Variants in MAGI1 observed in about 807,000 individuals in gnomAD.
MAGI1 encodes the protein membrane associated guanylate kinase, WW and PDZ domain containing 1.
A neutral mutation model predicts 139.9 loss-of-function variants in MAGI1; 58 were observed. The observed-to-expected ratio is 0.41, with a 90% CI of 0.34 to 0.52. The LOEUF (loss-of-function observed/expected upper bound fraction) is 0.52. Ranked by LOEUF, MAGI1 falls within the 20% of genes least tolerant of loss-of-function variation. MAGI1 has a pLI of 0.12. For synonymous variants in MAGI1, 812 were observed against 737.9 expected (o/e 1.10, Z -1.63); for missense variants, 1,874 against 1,901.6 (o/e 0.99, Z 0.27).
chr3:65,688,008 T>C, intron 1 of MAGI1: 1 of 830,456 alleles, frequency 1.2e-6, no homozygotes, highest in Admixed American at 1.8e-5. Context: ...TTCGTTTTCC[T>C]GGCTTTGAGC....
At chr3:65,817,904 T>G (rs1267258825) in intron 1 of MAGI1, among the ~76,000 whole-genome samples, 1 of 152,188 alleles carries the variant, frequency 6.6e-6, no homozygotes, top group Non-Finnish European at 1.5e-5. Flanking sequence ...AAAAGAAATT[T>G]GGACTACGAT....
In MAGI1 at chr3:65,354,500, A is replaced by G. The variant is rs1329330722; in HGVS notation, c.*1878T>C. 4 of 152,686 alleles carry G rather than the reference A, an allele frequency of 2.6e-5. No individual in the cohort carries two copies. The highest frequency in any genetic ancestry group is 2.6e-4 in the Admixed American group (4 of 15,286). The allele number at this position is 152,686 out of a possible 1,614,324, so 9.5% of individuals were successfully genotyped here. ...TACTGCTTTTCATCAATACAGAAAG[A>G]GCATTAAGTCCATAGCACACTGCAA... On this transcript the variant is annotated 3_prime_UTR_variant, in exon 23 of 23. Coordinates refer to ENST00000402939, the MANE Select transcript of MAGI1 (RefSeq NM_001033057.2).
chr3:65,701,015 G>A (rs1165570940), intron 1 of MAGI1, among the ~76,000 whole-genome samples: 2 of 152,022 alleles, frequency 1.3e-5, no homozygotes, highest in African/African-American at 4.8e-5. Context: ...ACCATCAGGG[G>A]GCTCATTACC....
intron 1 of MAGI1, among the ~76,000 whole-genome samples, chr3:65,924,529 G>A (rs2062395782): frequency 6.6e-6 from 1 of 152,182 alleles, no homozygotes; most frequent in Admixed American, 6.5e-5. Context: ...GCAGGAATCA[G>A]AATGCTCAAA....
At position 66,028,116 on chromosome 3, in the gene MAGI1, G is replaced by A. The variant is rs117000769; in HGVS notation, c.313+9880C>T. Reference sequence around the variant, plus strand: ...GCCCAGGAGCTCGAGACCAGCCTGAGCAATGTAGTGAAACCCCATCTCTAC... The same window carrying A: ...GCCCAGGAGCTCGAGACCAGCCTGAACAATGTAGTGAAACCCCATCTCTAC... On this transcript the variant is annotated intron_variant, in intron 1 of 22. Transcript: ENST00000402939. Among the ~76,000 whole-genome samples the A allele has an allele frequency of 4.3e-3, 657 of 152,264 alleles. 10 individuals are homozygous for A. Among genetic ancestry groups the A allele is most frequent in the East Asian group, 7.4e-3 (38 of 5,146 alleles).
At chr3:65,587,956 T>C (rs1286328507) in intron 2 of MAGI1, among the ~76,000 whole-genome samples, 1 of 152,184 alleles carries the variant, frequency 6.6e-6, no homozygotes, top group Non-Finnish European at 1.5e-5. Flanking sequence ...CTTCCCAGTG[T>C]TGGGATCCAT....
intron 1 of MAGI1, among the ~76,000 whole-genome samples, chr3:65,686,176 T>C (rs1378917267): frequency 1.3e-5 from 2 of 152,188 alleles, no homozygotes; most frequent in Non-Finnish European, 2.9e-5. Context: ...GAAGCAGTCA[T>C]ATCACACCTA....
chr3:65,614,406 T>A (rs2083269980), intron 2 of MAGI1, among the ~76,000 whole-genome samples: 1 of 152,336 alleles, frequency 6.6e-6, no homozygotes, highest in Middle Eastern at 3.4e-3. Context: ...GTGTATGCAC[T>A]TGAGCCTCTA....
intron 2 of MAGI1, among the ~76,000 whole-genome samples, chr3:65,585,133 G>A (rs967751965): frequency 6.6e-6 from 1 of 152,232 alleles, no homozygotes; most frequent in Non-Finnish European, 1.5e-5. Flanking sequence ...GAGCCTTACA[G>A]AGGTCAAATG....
At chr3:65,584,007 T>G (rs111499102) in intron 2 of MAGI1, among the ~76,000 whole-genome samples, 9 of 147,934 alleles carry the variant, frequency 6.1e-5, no homozygotes, top group Non-Finnish European at 1.3e-4. Flanking sequence ...AAAATAATAA[T>G]TAACACATCA....
chr3:65,801,209 A>G (rs1048062543), intron 1 of MAGI1, among the ~76,000 whole-genome samples: 20 of 152,220 alleles, frequency 1.3e-4, no homozygotes, highest in Non-Finnish European at 1.9e-4. Context: ...GTCAAGAAAA[A>G]ATACAGATTT....
intron 1 of MAGI1, among the ~76,000 whole-genome samples, chr3:65,998,122 C>A (rs111483203): frequency 1.1e-3 from 162 of 145,192 alleles, no homozygotes; most frequent in Non-Finnish European, 1.8e-3. Context: ...AAAAAAAAAA[C>A]AAACAGTAGT....
intron 7 of MAGI1, among the ~76,000 whole-genome samples, chr3:65,445,371 G>A (rs1319102086): frequency 6.6e-6 from 1 of 152,130 alleles, no homozygotes; most frequent in Admixed American, 6.6e-5. Context: ...GCTGTTCCAG[G>A]AAAGCACAAA....
intron 1 of MAGI1, among the ~76,000 whole-genome samples, chr3:65,692,381 A>T (rs1320356180): frequency 6.6e-6 from 1 of 152,172 alleles, no homozygotes; most frequent in African/African-American, 2.4e-5. Context: ...ATGGGGACAG[A>T]GCCTCCCCTC....
intron 1 of MAGI1, among the ~76,000 whole-genome samples, chr3:65,977,426 C>T (rs1370616091): frequency 6.6e-6 from 1 of 152,092 alleles, no homozygotes; most frequent in Non-Finnish European, 1.5e-5. Context: ...AAAATCAAAA[C>T]TCGGCCGGGC....
chr3:65,624,862 G>A (rs1037796095), intron 1 of MAGI1, among the ~76,000 whole-genome samples: 30 of 152,104 alleles, frequency 2.0e-4, no homozygotes, highest in African/African-American at 7.0e-4. Context: ...GATTCTGGAG[G>A]AGATGCCAAT....
chr3:65,437,071 CG>C lies in MAGI1; in HGVS notation c.1363+83del, dbSNP rs1226115363. 4.9e-6 allele frequency: 4 copies of C among 812,314 alleles called. No individual in the cohort carries two copies. The African/African-American group carries it at 7.0e-5, about 14-fold the overall frequency. The allele number at this position is 812,314 out of a possible 1,614,324, so 50.3% of individuals were successfully genotyped here. A position where few individuals can be genotyped will look rare whatever the true frequency, so the allele number is the denominator to read the frequency against. On this transcript the variant is annotated intron_variant, in intron 10 of 22. Transcript: ENST00000402939. ...TATCAAAGGAATGACTTGGGAGTTACGAGATTCCACTTTTCAAAATACCTTA... is the reference window on the plus strand; with the variant it reads ...TATCAAAGGAATGACTTGGGAGTTACAGATTCCACTTTTCAAAATACCTTA...
rs543094783 is a variant in MAGI1, at chr3:65,367,720, TG to T, written c.3197-2775del. Among the ~76,000 whole-genome samples the T allele has an allele frequency of 3.1e-3, 467 of 152,332 alleles. 1 individual carries two copies. The highest frequency in any genetic ancestry group is 4.1e-3 in the Non-Finnish European group (276 of 68,030). On this transcript the variant is annotated intron_variant, in intron 18 of 22. Transcript: ENST00000402939. ...TCACTCAGGCAGCAGGTGGAGATAC[TG>T]GGAATTAAACCCAGGACCTGCCTGA...
chr3:65,637,556 A>AAAGAAAG (rs2084700863), intron 1 of MAGI1, among the ~76,000 whole-genome samples: 2 of 127,876 alleles, frequency 1.6e-5, no homozygotes, highest in Admixed American at 8.2e-5. Context: ...TGTCTCCAAA[A>AAAGAAAG]AAAGAAAGAA....
Sources: allele counts gnomAD v4.1 joint callset (sites outside exome capture counted in the v4.1 genomes callset), GRCh38; gene constraint gnomAD v4.1.1; transcripts MANE v1.5; gene names NCBI Gene and HGNC (gene_info 2026-07-23, HGNC 2026-07-21).